EPB41L2: variants seen among roughly 807,000 people sequenced by gnomAD.
EPB41L2 encodes the protein erythrocyte membrane protein band 4.1 like 2.
Under a neutral mutation model 113.0 loss-of-function variants are expected in EPB41L2, and 43 were observed. That is an observed-to-expected ratio of 0.38 (90% confidence interval 0.30 to 0.49). The LOEUF is 0.49. Among genes scored for constraint, EPB41L2 ranks in the 20% least tolerant of loss-of-function variants. The pLI is 0.95. For synonymous variants in EPB41L2, 442 were observed against 436.7 expected (o/e 1.01, Z -0.15); for missense variants, 1,147 against 1,223.4 (o/e 0.94, Z 0.93).
At chr6:130,985,508 G>A (rs1780349779) in intron 1 of EPB41L2, among the ~76,000 whole-genome samples, 1 of 152,150 alleles carries the variant, frequency 6.6e-6, no homozygotes, top group African/African-American at 2.4e-5. Context: ...GACCTGGAAG[G>A]GCCAAGTGAA....
At chr6:130,903,958 A>C (rs925446052) in intron 6 of EPB41L2, among the ~76,000 whole-genome samples, 4 of 152,216 alleles carry the variant, frequency 2.6e-5, no homozygotes, top group Non-Finnish European at 5.9e-5. Context: ...ACAATCTCCA[A>C]GGAGATGGAA....
At chr6:130,941,301 A>G (rs940552084) in intron 3 of EPB41L2, among the ~76,000 whole-genome samples, 2 of 152,212 alleles carry the variant, frequency 1.3e-5, no homozygotes, top group African/African-American at 4.8e-5. Context: ...AAACAGCAAG[A>G]CTTAGCTTAA....
chr6:130,943,006 T>C (rs2128590432), intron 3 of EPB41L2, among the ~76,000 whole-genome samples: 1 of 152,370 alleles, frequency 6.6e-6, no homozygotes, highest in South Asian at 2.1e-4. Flanking sequence ...TTGATGGGCA[T>C]TTGGGTTGGT....
intron 4 of EPB41L2, among the ~76,000 whole-genome samples, chr6:130,919,302 C>T (rs1007015746): frequency 1.3e-5 from 2 of 152,110 alleles, no homozygotes; most frequent in African/African-American, 4.8e-5. Context: ...AATAAGAACG[C>T]TACAGTAGAC....
intron 11 of EPB41L2, among the ~76,000 whole-genome samples, chr6:130,888,248 G>A (rs1488370690): frequency 2.6e-5 from 4 of 152,114 alleles, no homozygotes; most frequent in African/African-American, 9.7e-5. Context: ...GAGTTCACTG[G>A]CTGTCTGGTC....
chr6:131,032,136 T>C (rs571479271), intron 1 of EPB41L2, among the ~76,000 whole-genome samples: 1 of 152,288 alleles, frequency 6.6e-6, no homozygotes, highest in South Asian at 2.1e-4. Context: ...ATATCATATA[T>C]AATATTCCTA....
intron 1 of EPB41L2, among the ~76,000 whole-genome samples, chr6:131,027,626 T>C (rs944832283): frequency 6.6e-6 from 1 of 152,188 alleles, no homozygotes; most frequent in Non-Finnish European, 1.5e-5. Context: ...GTCATAGCAA[T>C]AGGGCTGGCA....
chr6:131,013,159 A>G (rs1787419522), intron 1 of EPB41L2, among the ~76,000 whole-genome samples: 1 of 152,158 alleles, frequency 6.6e-6, no homozygotes, highest in South Asian at 2.1e-4. Context: ...ATTATTTTGT[A>G]AACATGTTTT....
At chr6:130,870,978 C>T (rs1017328603) in intron 14 of EPB41L2, among the ~76,000 whole-genome samples, 2 of 152,064 alleles carry the variant, frequency 1.3e-5, no homozygotes, top group Non-Finnish European at 2.9e-5. Context: ...TCAATGGTGA[C>T]TCCAAGTGTT....
rs760097099 is a variant in EPB41L2 at position 130,956,368 on chromosome 6, C to G, written c.118G>C (p.Asp40His). Reference sequence around the variant, plus strand: ...TGGGAACCTTTTTCCTCCTCTGGATCGGAAGACTGATTCTGCTGATTTTCT... The same window carrying G: ...TGGGAACCTTTTTCCTCCTCTGGATGGGAAGACTGATTCTGCTGATTTTCT... ...VAENQQNQSSDPEEEKGSQPP... is the reference protein window; with the variant it reads ...VAENQQNQSSHPEEEKGSQPP... Residue 40 changes from aspartate to histidine, a missense_variant, in exon 2 of 20, where the codon GAT becomes CAT. Asp to His is a moderately conservative substitution (Grantham distance 81). Coordinates refer to ENST00000337057, the MANE Select transcript of EPB41L2 (RefSeq NM_001431.4). The G allele has an allele frequency of 1.5e-5, 24 of 1,614,132 alleles. No homozygotes were observed. Among genetic ancestry groups the G allele is most frequent in the Non-Finnish European group, 2.0e-5 (24 of 1,180,040 alleles).
intron 14 of EPB41L2, among the ~76,000 whole-genome samples, chr6:130,874,531 G>A (rs1425818911): frequency 6.6e-6 from 1 of 152,114 alleles, no homozygotes; most frequent in Non-Finnish European, 1.5e-5. Flanking sequence ...ACTAATAGTA[G>A]TATGTTATTT....
At chr6:130,933,578 C>T (rs944373762) in intron 3 of EPB41L2, among the ~76,000 whole-genome samples, 2 of 148,412 alleles carry the variant, frequency 1.3e-5, no homozygotes, top group East Asian at 2.0e-4. Context: ...ATTATAGATA[C>T]CCACAAAAGA....
At chr6:130,863,952 C>A (rs1782925548) in intron 17 of EPB41L2, among the ~76,000 whole-genome samples, 1 of 152,140 alleles carries the variant, frequency 6.6e-6, no homozygotes, top group Non-Finnish European at 1.5e-5. Context: ...TGAGAGCAAC[C>A]TTAAAACTCA....
chr6:131,005,153 C>G lies in EPB41L2; in HGVS notation c.-14-48654G>C, dbSNP rs116369043. On this transcript the variant is annotated intron_variant, in intron 1 of 19. Coordinates refer to ENST00000337057, the MANE Select transcript of EPB41L2 (RefSeq NM_001431.4). ...AACTTCTATCTTGCAATTCCCAAGA[C>G]GGTGCTTACTTGATCTTTTACAGAG... 6.1e-3 allele frequency among the ~76,000 whole-genome samples: 922 copies of G among 151,324 alleles called. 11 individuals are homozygous for G. Among genetic ancestry groups the G allele is most frequent in the African/African-American group, 0.021 (882 of 41,344 alleles).
chr6:130,996,754 C>A (rs1463667263), intron 1 of EPB41L2, among the ~76,000 whole-genome samples: 1 of 152,106 alleles, frequency 6.6e-6, no homozygotes, highest in Non-Finnish European at 1.5e-5. Flanking sequence ...TATTCACAGA[C>A]AAGAGACTGG....
At chr6:130,928,029 G>A (rs777794917) in intron 3 of EPB41L2, among the ~76,000 whole-genome samples, 1 of 152,134 alleles carries the variant, frequency 6.6e-6, no homozygotes, top group African/African-American at 2.4e-5. Flanking sequence ...GGAGGCTGAG[G>A]CTGCAGTGAG....
intron 16 of EPB41L2, among the ~76,000 whole-genome samples, chr6:130,866,835 T>C (rs1783899183): frequency 6.6e-6 from 1 of 152,206 alleles, no homozygotes; most frequent in South Asian, 2.1e-4. Flanking sequence ...AACCAATGTG[T>C]GAAAACCTAA....
At chr6:130,969,692 A>G (rs1184934601) in intron 1 of EPB41L2, among the ~76,000 whole-genome samples, 1 of 152,222 alleles carries the variant, frequency 6.6e-6, no homozygotes, top group African/African-American at 2.4e-5. Context: ...TGATAGCTAC[A>G]GTACAACTTC....
chr6:131,024,450 A>G (rs1297077306), intron 1 of EPB41L2, among the ~76,000 whole-genome samples: 1 of 152,132 alleles, frequency 6.6e-6, no homozygotes, highest in Admixed American at 6.5e-5. Flanking sequence ...TCCCAAAACT[A>G]AGCATCTCTG....
Sources: gnomAD v4.1 joint callset for allele counts (sites outside exome capture counted in the v4.1 genomes callset) on GRCh38, gnomAD v4.1.1 for gene constraint, MANE v1.5 for transcripts, NCBI Gene and HGNC (gene_info 2026-07-23, HGNC 2026-07-21) for gene names.